Variants in NR5A2 observed in about 807,000 individuals in gnomAD.
NR5A2 encodes the protein nuclear receptor subfamily 5 group A member 2, also known as CYP7A promoter-binding factor.
In NR5A2, 26 loss-of-function variants were observed where a neutral mutation model predicts 62.7. The observed-to-expected ratio is 0.41, with a 90% CI of 0.30 to 0.58. The LOEUF is 0.58. NR5A2 is among the 20% of genes least tolerant of loss of function. The pLI, the probability that NR5A2 is intolerant of heterozygous loss-of-function variation, is 0.22. For missense variants in NR5A2, 541 were observed against 669.1 expected, an observed-to-expected ratio of 0.81 and a Z score of 2.11; for synonymous variants, 246 against 241.7, an observed-to-expected ratio of 1.02 and a Z score of -0.16.
intron 5 of NR5A2, among the ~76,000 whole-genome samples, chr1:200,061,813 T>G (rs575232706): frequency 9.2e-4 from 140 of 152,338 alleles, no homozygotes; most frequent in African/African-American, 3.3e-3. Flanking sequence ...GTGTTCGTTA[T>G]TAAATTCTAT....
intron 5 of NR5A2, among the ~76,000 whole-genome samples, chr1:200,070,271 T>C (rs1020272688): frequency 1.3e-4 from 20 of 152,152 alleles, no homozygotes; most frequent in Non-Finnish European, 2.9e-4. Context: ...CTCGGTCTTT[T>C]GGTTTGAGGA....
chr1:200,154,219 T>TTG (rs1289381772), intron 7 of NR5A2, among the ~76,000 whole-genome samples: 1 of 152,052 alleles, frequency 6.6e-6, no homozygotes. Context: ...AGTCCTGAAG[T>TTG]TGTGTGTGTG....
intron 5 of NR5A2, chr1:200,058,047 CT>C (rs1336711844): frequency 3.3e-5 from 5 of 152,430 alleles, no homozygotes; most frequent in African/African-American, 1.2e-4. Context: ...ATCCACCCGC[CT>C]TGGCCTCCCA....
chr1:200,129,225 A>G lies in NR5A2; in HGVS notation c.1378+8270A>G, dbSNP rs188608244. The stretch of plus-strand genomic sequence containing the variant: ...TGGGAACTCTGTCTCATCACTTTTG[A>G]GACTCTCTCTCTCTCTGAATATATA... On this transcript the variant is annotated intron_variant, in intron 7 of 7. Transcript: ENST00000367362. 6.0e-3 allele frequency among the ~76,000 whole-genome samples: 890 copies of G among 148,986 alleles called. 5 individuals are homozygous for G. Among genetic ancestry groups the G allele is most frequent in the Non-Finnish European group, 9.8e-3 (656 of 67,010 alleles).
Position 200,174,193 on chromosome 1 carries a change from C to T in NR5A2, c.1609C>T (p.His537Tyr), listed in dbSNP as rs1165745711. The T allele has an allele frequency of 1.3e-6, 2 of 1,595,510 alleles. No homozygotes were observed. Among genetic ancestry groups the T allele is most frequent in the South Asian group, 1.1e-5 (1 of 88,026 alleles). ...PYNNLLIEML[H>Y]AKRA is the part of the protein sequence containing the mutation. ...TAATAACCTTCTCATTGAAATGTTGCATGCCAAAAGAGCATAAGTTACAAC... is the reference window on the plus strand; with the variant it reads ...TAATAACCTTCTCATTGAAATGTTGTATGCCAAAAGAGCATAAGTTACAAC... Residue 537 changes from histidine (H) to tyrosine (Y), a missense_variant, in exon 8 of 8, where the codon CAT (histidine) becomes TAT (tyrosine). Physicochemically the swap from His to Tyr is moderately conservative, Grantham distance 83. Around this residue, in one of 3 missense-constraint regions of NR5A2, gnomAD observed 379 missense variants for 442.0 expected, o/e 0.86. Transcript: ENST00000367362.
chr1:200,166,301 G>A (rs1463651592), intron 7 of NR5A2, among the ~76,000 whole-genome samples: 3 of 152,020 alleles, frequency 2.0e-5, no homozygotes, highest in Non-Finnish European at 2.9e-5. Context: ...AAGGGGTTGG[G>A]GTGGGGCTTG....
chr1:200,081,465 T>A (rs939124776), intron 5 of NR5A2, among the ~76,000 whole-genome samples: 1 of 152,146 alleles, frequency 6.6e-6, no homozygotes, highest in Non-Finnish European at 1.5e-5. Flanking sequence ...GAAAGCTCAT[T>A]CCGAATTAGT....
intron 5 of NR5A2, among the ~76,000 whole-genome samples, chr1:200,066,588 CTTTTTT>C: frequency 8.8e-6 from 1 of 113,144 alleles, no homozygotes; most frequent in African/African-American, 4.1e-5. Flanking sequence ...AATTAATTAT[CTTTTTT>C]TTTTTTTTTT....
chr1:200,043,841 A>C lies in NR5A2; in HGVS notation c.270A>C (p.Gly90=), dbSNP rs553657867. The C allele has an allele frequency of 6.2e-6, 10 of 1,613,908 alleles. No homozygotes were observed. In the African/African-American group the frequency reaches 1.2e-4, roughly 19 times the overall value. The part of the protein sequence containing the change: ...EDLEELCPVC[G]DKVSGYHYGL... ...TGGAAGAGCTTTGTCCCGTGTGTGG[A>C]GATAAAGTGTCTGGGTACCATTATG... The change falls in exon 3 of 8, where the codon GGA becomes GGC. Residue 90 remains glycine (G), a synonymous_variant. Transcript: ENST00000367362.
chr1:200,041,361 C>A (rs1011341058), intron 2 of NR5A2, among the ~76,000 whole-genome samples: 3 of 152,234 alleles, frequency 2.0e-5, no homozygotes, highest in Non-Finnish European at 4.4e-5. Flanking sequence ...AGTCGCCACT[C>A]ACTCAGCCCA....
chr1:200,166,369 G>A (rs74668168), intron 7 of NR5A2, among the ~76,000 whole-genome samples: 3,655 of 152,180 alleles, frequency 0.024, 144 homozygotes, highest in African/African-American at 0.083. Flanking sequence ...AGTCTCCATC[G>A]TGAGACTATT....
intron 2 of NR5A2, 86 bp from the exon 3 acceptor site, chr1:200,043,688 C>A: frequency 1.3e-6 from 1 of 761,860 alleles, no homozygotes; most frequent in Non-Finnish European, 2.1e-6. Flanking sequence ...ATTTGCCCAG[C>A]AATCACCAAA....
At chr1:200,041,303 G>C (rs531640819) in intron 2 of NR5A2, among the ~76,000 whole-genome samples, 2 of 152,184 alleles carry the variant, frequency 1.3e-5, no homozygotes, top group Admixed American at 1.3e-4. Flanking sequence ...ACACTACCTA[G>C]TGCCCCCAAA....
intron 7 of NR5A2, among the ~76,000 whole-genome samples, chr1:200,160,602 G>A (rs902887384): frequency 5.3e-5 from 8 of 152,146 alleles, no homozygotes; most frequent in African/African-American, 1.2e-4. Flanking sequence ...TCCCAAAGAC[G>A]ATAAGAATGC....
At chr1:200,075,321 C>CT (rs1663975855) in intron 5 of NR5A2, among the ~76,000 whole-genome samples, 1 of 152,094 alleles carries the variant, frequency 6.6e-6, no homozygotes, top group Non-Finnish European at 1.5e-5. Flanking sequence ...AAAAAGGAGG[C>CT]TTTTTTGCTT....
intron 4 of NR5A2, among the ~76,000 whole-genome samples, chr1:200,046,000 TA>T (rs1662341699): frequency 6.6e-6 from 1 of 152,224 alleles, no homozygotes; most frequent in Non-Finnish European, 1.5e-5. Flanking sequence ...CAATTCTTTT[TA>T]AAAGAGGTGT....
chr1:200,133,612 C>CACATATAT (rs1667087114), intron 7 of NR5A2, among the ~76,000 whole-genome samples: 1 of 30,646 alleles, frequency 3.3e-5, no homozygotes, highest in African/African-American at 1.3e-4. Context: ...CACATATATA[C>CACATATAT]ACACACACAC....
At chr1:200,058,150 A>T (rs1663009448) in intron 5 of NR5A2, 1 of 152,050 alleles carries the variant, frequency 6.6e-6, no homozygotes, top group African/African-American at 2.4e-5. Flanking sequence ...TTCCATATAC[A>T]TTTTTTTGGT....
chr1:200,073,902 G>A (rs1432557351), intron 5 of NR5A2, among the ~76,000 whole-genome samples: 1 of 152,152 alleles, frequency 6.6e-6, no homozygotes, highest in African/African-American at 2.4e-5. Flanking sequence ...ATTAGAATGG[G>A]CAATGGGTGT....
Sources: gnomAD v4.1 joint callset for allele counts (sites outside exome capture counted in the v4.1 genomes callset) on GRCh38, gnomAD v4.1.1 for gene constraint, gnomAD v4.1.1 regional missense constraint, MANE v1.5 for transcripts, NCBI Gene and HGNC (gene_info 2026-07-23, HGNC 2026-07-21) for gene names.